NCOA1: variants seen among roughly 807,000 people sequenced by gnomAD.
NCOA1 encodes nuclear receptor coactivator 1, also known as Hin-2 protein.
In NCOA1, 35 loss-of-function variants were observed where a neutral mutation model predicts 150.9. The ratio of observed to expected loss-of-function variants is 0.23; its 90% confidence interval spans 0.18 to 0.31. The LOEUF (loss-of-function observed/expected upper bound fraction) is 0.31, where lower values mean the gene tolerates loss of function less well. NCOA1 is among the 10% of genes least tolerant of loss of function. The probability of loss-of-function intolerance (pLI) is 1.00; values close to 1 mark genes in which losing one functional copy is unlikely to be tolerated. For synonymous variants in NCOA1, 590 were observed against 630.0 expected (o/e 0.94, Z 0.95); for missense variants, 1,491 against 1,749.3 (o/e 0.85, Z 2.63).
intron 1 of NCOA1, among the ~76,000 whole-genome samples, chr2:24,526,700 G>A (rs2148151545): frequency 6.8e-6 from 1 of 147,784 alleles, no homozygotes; most frequent in Non-Finnish European, 1.5e-5. Context: ...TGTGACAAGA[G>A]CGAGACCCTT....
intron 7 of NCOA1, among the ~76,000 whole-genome samples, chr2:24,677,424 G>T (rs909990727): frequency 1.3e-5 from 2 of 152,026 alleles, no homozygotes; most frequent in Non-Finnish European, 2.9e-5. Context: ...TTTTTGTTTG[G>T]TTGGTTGGTT....
rs868796567 is a variant in NCOA1 at position 24,552,465 on chromosome 2, C to T, written c.-395-11830C>T. Among the ~76,000 whole-genome samples, 14 of 142,114 alleles carry T rather than the reference C, an allele frequency of 9.9e-5. No individual in the cohort carries two copies. In the Middle Eastern group the frequency reaches 0.012, roughly 125 times the overall value. The allele number at this position is 142,114 out of a possible 152,430, so 93.2% of individuals were successfully genotyped here. A position where few individuals can be genotyped will look rare whatever the true frequency, so the allele number is the denominator to read the frequency against. ...CACTGCAACGTCTGCCTCCTAGGTT[C>T]AAGCAATTCTCCTGCCTCAGCTCCC... On this transcript the variant is annotated intron_variant, in intron 1 of 22. Coordinates refer to ENST00000348332, the MANE Select transcript of NCOA1 (RefSeq NM_003743.5).
rs942325167 is a variant in NCOA1, at chr2:24,664,762, T to C, written c.90-987T>C. ...ATGGTATCTTAATTGTTGCCAATTA[T>C]GAGCTCTATAGCAACTGATCTTCCC... On this transcript the variant is annotated intron_variant, in intron 5 of 22. Transcript: ENST00000348332. Among the ~76,000 whole-genome samples the C allele has an allele frequency of 1.6e-4, 25 of 152,280 alleles. 1 individual carries two copies. Among genetic ancestry groups the C allele is most frequent in the Admixed American group, 1.6e-3 (25 of 15,294 alleles).
Position 24,741,757 on chromosome 2 carries a change from G to T in NCOA1, c.3304-27G>T, listed in dbSNP as rs772829984. On this transcript the variant is annotated intron_variant, in intron 18 of 22. Coordinates refer to ENST00000348332, the MANE Select transcript of NCOA1 (RefSeq NM_003743.5). ...ATAGATAGTGATTATAATAATTTTAGTAAGTGAGTTTTTTCCTGCTTTTCA... is the reference window on the plus strand; with the variant it reads ...ATAGATAGTGATTATAATAATTTTATTAAGTGAGTTTTTTCCTGCTTTTCA... 16 of 1,584,924 alleles carry T rather than the reference G, an allele frequency of 1.0e-5. No individual in the cohort carries two copies. The African/African-American group carries it at 1.8e-4, about 17-fold the overall frequency.
At chr2:24,527,786 A>G (rs1402074759) in intron 1 of NCOA1, among the ~76,000 whole-genome samples, 2 of 152,196 alleles carry the variant, frequency 1.3e-5, no homozygotes, top group African/African-American at 4.8e-5. Context: ...TCCTACCAAC[A>G]ATGTACAAAG....
At chr2:24,720,606 A>G (rs1339459024) in intron 14 of NCOA1, among the ~76,000 whole-genome samples, 1 of 152,216 alleles carries the variant, frequency 6.6e-6, no homozygotes, top group Non-Finnish European at 1.5e-5. Flanking sequence ...ACCAGTCTAC[A>G]ATGTGTAGAT....
intron 14 of NCOA1, among the ~76,000 whole-genome samples, chr2:24,715,562 A>T (rs1673987707): frequency 6.6e-6 from 1 of 152,248 alleles, no homozygotes; most frequent in Admixed American, 6.5e-5. Flanking sequence ...CAATATGTGT[A>T]CTCAGTATTT....
At chr2:24,745,098 A>G (rs916893820) in intron 19 of NCOA1, among the ~76,000 whole-genome samples, 2 of 152,064 alleles carry the variant, frequency 1.3e-5, no homozygotes, top group Non-Finnish European at 1.5e-5. Context: ...CTAGACTACC[A>G]TGCTATGATA....
At chr2:24,706,253 A>G (rs2148592579) in intron 12 of NCOA1, among the ~76,000 whole-genome samples, 1 of 152,248 alleles carries the variant, frequency 6.6e-6, no homozygotes, top group South Asian at 2.1e-4. Context: ...AAGAACATAT[A>G]TTGGATTTTT....
intron 1 of NCOA1, among the ~76,000 whole-genome samples, chr2:24,540,239 G>A (rs1212547467): frequency 6.6e-6 from 1 of 152,166 alleles, no homozygotes; most frequent in African/African-American, 2.4e-5. Context: ...AAAGTTACTA[G>A]AACAGAGTTC....
chr2:24,751,518 G>A (rs1664240032), intron 19 of NCOA1, among the ~76,000 whole-genome samples: 2 of 151,524 alleles, frequency 1.3e-5, no homozygotes, highest in African/African-American at 2.4e-5. Context: ...AGAAGGTGGA[G>A]GTTGCAGTGA....
At chr2:24,522,715 G>T (rs746132754) in intron 1 of NCOA1, among the ~76,000 whole-genome samples, 27 of 152,096 alleles carry the variant, frequency 1.8e-4, no homozygotes, top group Non-Finnish European at 2.2e-4. Context: ...TTGGAAGGGG[G>T]CTAAAGATTT....
chr2:24,707,290 C>T lies in NCOA1; in HGVS notation c.1820C>T (p.Pro607Leu). Residue 607 changes from proline (P) to leucine (L), a missense_variant, in exon 13 of 23, where the codon CCT (proline) becomes CTT (leucine). This residue lies in a region of NCOA1 where 703 missense variants were observed against 717.7 expected (regional missense o/e 0.98). Transcript: ENST00000348332. The part of the protein sequence containing the change: ...QSDNSSSDGK[P>L]LDSGLLHNND... ...GACAACAGCTCTAGTGATGGCAAAC[C>T]TCTGGATTCAGGGCTTCTGCATAAC... 6.2e-7 allele frequency: 1 copy of T among 1,614,164 alleles called. No homozygotes were observed. The highest frequency in any genetic ancestry group is 8.5e-7 in the Non-Finnish European group (1 of 1,180,024).
At chr2:24,642,702 A>G (rs375869651) in intron 3 of NCOA1, among the ~76,000 whole-genome samples, 1 of 152,230 alleles carries the variant, frequency 6.6e-6, no homozygotes, top group African/African-American at 2.4e-5. Flanking sequence ...TTTATTTGTA[A>G]TAGCCGAAAA....
At chr2:24,608,333 T>C (rs1349625228) in intron 3 of NCOA1, among the ~76,000 whole-genome samples, 1 of 150,254 alleles carries the variant, frequency 6.7e-6, no homozygotes, top group Non-Finnish European at 1.5e-5. Context: ...CAGGCTGGAG[T>C]GCAGTGGTGC....
intron 3 of NCOA1, among the ~76,000 whole-genome samples, chr2:24,601,110 T>G (rs560066397): frequency 8.7e-4 from 129 of 148,024 alleles, no homozygotes; most frequent in African/African-American, 3.2e-3. Context: ...AGTTTTAGTG[T>G]TTTTTTTTTA....
At chr2:24,524,293 T>G (rs1397657295) in intron 1 of NCOA1, among the ~76,000 whole-genome samples, 1 of 152,208 alleles carries the variant, frequency 6.6e-6, no homozygotes, top group Admixed American at 6.5e-5. Flanking sequence ...ACTTACTTAC[T>G]TTTTATTTTA....
Position 24,621,014 on chromosome 2 carries a change from A to G in NCOA1, c.-174-22952A>G, listed in dbSNP as rs1669126457. ...AATGCTACTTTGAATTCATGATACC[A>G]TGTTTCTTCTTGTTAACTAAGCTAG... On this transcript the variant is annotated intron_variant, in intron 3 of 22. Coordinates refer to ENST00000348332, the MANE Select transcript of NCOA1 (RefSeq NM_003743.5). 2.0e-5 allele frequency among the ~76,000 whole-genome samples: 3 copies of G among 152,152 alleles called. No homozygotes were observed. In the South Asian group the frequency reaches 6.2e-4, roughly 32 times the overall value.
At chr2:24,667,596 A>G (rs897336571) in intron 6 of NCOA1, among the ~76,000 whole-genome samples, 3 of 152,224 alleles carry the variant, frequency 2.0e-5, no homozygotes, top group Non-Finnish European at 4.4e-5. Flanking sequence ...TCATCAAAAG[A>G]TGAGAATAAG....
Sources: gnomAD v4.1 joint callset for allele counts (sites outside exome capture counted in the v4.1 genomes callset) on GRCh38, gnomAD v4.1.1 for gene constraint, gnomAD v4.1.1 regional missense constraint, MANE v1.5 for transcripts, NCBI Gene and HGNC (gene_info 2026-07-23, HGNC 2026-07-21) for gene names.